The following PPP2R3C variants were observed in gnomAD, a reference collection of about 807,000 sequenced individuals.
The protein encoded by PPP2R3C is serine/threonine-protein phosphatase 2A regulatory subunit B'' subunit gamma.
PPP2R3C carries 47 observed loss-of-function variants against 63.7 expected under a neutral mutation model. That is an observed-to-expected ratio of 0.74 (90% CI 0.58 to 0.94). The LOEUF (loss-of-function observed/expected upper bound fraction) is 0.94. PPP2R3C is among the 40% of genes least tolerant of loss of function. The probability of loss-of-function intolerance (pLI) is 0.00; values close to 1 mark genes in which losing one functional copy is unlikely to be tolerated. For missense variants in PPP2R3C, 421 were observed against 518.4 expected (o/e 0.81, Z 1.82); for synonymous variants, 180 against 177.4 (o/e 1.01, Z -0.12).
intron 1 of PPP2R3C, among the ~76,000 whole-genome samples, chr14:35,121,409 A>C (rs2046886030): frequency 6.6e-6 from 1 of 152,214 alleles, no homozygotes; most frequent in Non-Finnish European, 1.5e-5. Flanking sequence ...CAACTCACCA[A>C]GGTTCTGTTT....
chr14:35,086,935 T>G (rs2138590932), intron 12 of PPP2R3C: 1 of 152,260 alleles, frequency 6.6e-6, no homozygotes, highest in Non-Finnish European at 1.5e-5. Flanking sequence ...ATAGCTGGGA[T>G]TACAGCCGTG....
intron 6 of PPP2R3C, chr14:35,099,705 G>A: frequency 4.5e-6 from 1 of 221,094 alleles, no homozygotes; most frequent in South Asian, 7.1e-5. Context: ...GGTAACAGAT[G>A]CAAATATGAA....
At chr14:35,089,179 T>C (rs1273005295) in intron 11 of PPP2R3C, among the ~76,000 whole-genome samples, 1 of 152,152 alleles carries the variant, frequency 6.6e-6, no homozygotes, top group Non-Finnish European at 1.5e-5. Flanking sequence ...CATGGATCAC[T>C]GCAGCCTTGA....
At chr14:35,108,050 T>G (rs759104712) in intron 5 of PPP2R3C, 89 bp downstream of exon 5, 1 of 1,483,634 alleles carries the variant, frequency 6.7e-7, no homozygotes, top group Non-Finnish European at 9.0e-7. Context: ...TTAGAGTGAT[T>G]TCACATAGAA....
chr14:35,121,987 A>G lies in PPP2R3C; in HGVS notation c.-28T>C, dbSNP rs752523638. 1 of 1,614,020 alleles carries G rather than the reference A, an allele frequency of 6.2e-7. No individual in the cohort carries two copies. On this transcript the variant is annotated 5_prime_UTR_variant, in exon 1 of 13. It removes an upstream start codon present in the reference 5' UTR. Transcript: ENST00000261475. ...CCGACTTCCGCGCAGCAGCTTCTGC[A>G]TTTGCTGTTTCCTACCTGCTCCACC...
chr14:35,120,671 G>A (rs999440398), intron 1 of PPP2R3C, among the ~76,000 whole-genome samples: 1 of 152,152 alleles, frequency 6.6e-6, no homozygotes, highest in Non-Finnish European at 1.5e-5. Flanking sequence ...TGTTGCCTGG[G>A]TGCGGCGGCT....
chr14:35,109,583 T>G (rs2046480444), intron 4 of PPP2R3C, among the ~76,000 whole-genome samples: 2 of 152,030 alleles, frequency 1.3e-5, no homozygotes, highest in Admixed American at 1.3e-4. Flanking sequence ...TTCTCCCACC[T>G]CAGCCTCCGG....
At chr14:35,102,772 C>T (rs1475494316) in intron 6 of PPP2R3C, 1 of 152,116 alleles carries the variant, frequency 6.6e-6, no homozygotes, top group Non-Finnish European at 1.5e-5. Context: ...ATTTATTTAT[C>T]TATTTAGAGA....
rs970187295 is a variant in PPP2R3C at position 35,085,777 on chromosome 14, T to G, written c.1175A>C (p.Asp392Ala). 2.1e-5 allele frequency: 33 copies of G among 1,595,496 alleles called. No homozygotes were observed. The highest frequency in any genetic ancestry group is 2.8e-5 in the Non-Finnish European group (33 of 1,170,496). Residue 392 changes from aspartate (D) to alanine (A), a missense_variant and splice_region_variant, in exon 13 of 13, where the codon GAT becomes GCT. Asp to Ala is a moderately radical substitution (Grantham distance 126, BLOSUM62 -2). Coordinates refer to ENST00000261475, the MANE Select transcript of PPP2R3C (RefSeq NM_017917.4). ...TGGTTTTACCATGTCAAAGATTTCA[T>G]CCTGCAAGAGAAAAAAAAATACAAT... ...QDPVSFQDVK[D>A]EIFDMVKPKD...
At chr14:35,109,063 C>T (rs2046456422) in intron 4 of PPP2R3C, among the ~76,000 whole-genome samples, 2 of 145,114 alleles carry the variant, frequency 1.4e-5, no homozygotes, top group South Asian at 4.4e-4. Flanking sequence ...TATATTATTT[C>T]TTTTTTTTTT....
intron 7 of PPP2R3C, among the ~76,000 whole-genome samples, chr14:35,098,153 T>C (rs969998389): frequency 6.6e-6 from 1 of 151,742 alleles, no homozygotes; most frequent in African/African-American, 2.4e-5. Flanking sequence ...TCAGCTACCA[T>C]ATGCTGTGAT....
At chr14:35,093,211 T>TAAAACA (rs1045818282) in intron 10 of PPP2R3C, among the ~76,000 whole-genome samples, 1 of 151,638 alleles carries the variant, frequency 6.6e-6, no homozygotes, top group Non-Finnish European at 1.5e-5. Flanking sequence ...AGACTCCATC[T>TAAAACA]AAAACAAAAA....
rs1012509433 is a variant in PPP2R3C at position 35,085,939 on chromosome 14, T to C, written c.1174-161A>G. 8.3e-6 allele frequency: 5 copies of C among 603,668 alleles called. No individual in the cohort carries two copies. The African/African-American group carries it at 9.5e-5, about 11-fold the overall frequency. 37.4% of individuals were successfully genotyped at this position (603,668 alleles called of 1,614,324 possible). ...TAATTTTTTGTTCTACTTTTTTTCT[T>C]TTCCATTTAACAGGCAGTTTCCTTT... On this transcript the variant is annotated intron_variant, in intron 12 of 12. Coordinates refer to ENST00000261475, the MANE Select transcript of PPP2R3C (RefSeq NM_017917.4).
At position 35,121,829 on chromosome 14, in the gene PPP2R3C, C is replaced by G; in HGVS notation, c.58+73G>C. The stretch of plus-strand genomic sequence containing the variant: ...AAAAGGCGGCTCCCCCTTGCTCCTC[C>G]TCCCCACCTCCCCCCTACCTCTAGG... On this transcript the variant is annotated intron_variant, in intron 1 of 12. Transcript: ENST00000261475. The G allele has an allele frequency of 1.9e-6, 3 of 1,542,280 alleles. No homozygotes were observed. The East Asian group carries it at 6.8e-5, about 35-fold the overall frequency.
At chr14:35,110,689 T>A (rs769878213) in intron 2 of PPP2R3C, 60 bp from the exon 3 acceptor site, 22 of 1,106,220 alleles carry the variant, frequency 2.0e-5, no homozygotes, top group Non-Finnish European at 2.9e-5. Context: ...CTATAAAATG[T>A]ATGTGGCCTC....
chr14:35,091,836 T>G (rs925654623), intron 10 of PPP2R3C, among the ~76,000 whole-genome samples: 6 of 151,728 alleles, frequency 4.0e-5, no homozygotes, highest in African/African-American at 1.5e-4. Flanking sequence ...TTCTCCTGTC[T>G]CAGCCTCCCA....
chr14:35,121,803 G>A, intron 1 of PPP2R3C, 99 bp downstream of exon 1: 1 of 1,356,768 alleles, frequency 7.4e-7, no homozygotes, highest in Non-Finnish European at 1.0e-6. Context: ...CACAGAAGCG[G>A]AAAAGGCGGC....
chr14:35,088,250 A>G (rs2045674204), intron 11 of PPP2R3C, among the ~76,000 whole-genome samples: 1 of 152,220 alleles, frequency 6.6e-6, no homozygotes, highest in South Asian at 2.1e-4. Context: ...GAACTTCAGG[A>G]AAAAAAATAA....
chr14:35,118,520 T>C (rs58320987), intron 1 of PPP2R3C, among the ~76,000 whole-genome samples: 25,784 of 152,158 alleles, frequency 0.17, 2,441 homozygotes, highest in East Asian at 0.31. Flanking sequence ...CAGAGATTTT[T>C]TTGTGTTCTG....
Sources: allele counts gnomAD v4.1 joint callset (sites outside exome capture counted in the v4.1 genomes callset), GRCh38; gene constraint gnomAD v4.1.1; transcripts MANE v1.5; gene names NCBI Gene and HGNC (gene_info 2026-07-23, HGNC 2026-07-21).